Variants in COL4A4 observed in about 807,000 individuals in gnomAD.
COL4A4 encodes the protein collagen alpha-4(IV) chain.
COL4A4 carries 105 observed loss-of-function variants against 192.9 expected under a neutral mutation model. That is an observed-to-expected ratio of 0.54 (90% CI 0.46 to 0.64). The LOEUF is 0.64. Among genes scored for constraint, COL4A4 ranks in the 30% least tolerant of loss-of-function variants. The pLI, the probability that COL4A4 is intolerant of heterozygous loss-of-function variation, is 0.00. For synonymous variants in COL4A4, 762 were observed against 769.9 expected, an observed-to-expected ratio of 0.99 and a Z score of 0.17; for missense variants, 1,967 against 2,169.3, an observed-to-expected ratio of 0.91 and a Z score of 1.85.
At chr2:227,108,646 C>A in intron 11 of COL4A4, 24 bp from the exon 12 acceptor site, 1 of 1,613,436 alleles carries the variant, frequency 6.2e-7, no homozygotes, top group African/African-American at 1.3e-5. Context: ...GAAAAAGAAT[C>A]TAATTGCTTT....
At chr2:227,022,302 G>A in intron 43 of COL4A4, 129 bp from the exon 44 acceptor site, 1 of 1,203,804 alleles carries the variant, frequency 8.3e-7, no homozygotes, top group East Asian at 2.3e-5. Flanking sequence ...ATAAAATTCA[G>A]TATAAATGTT....
intron 13 of COL4A4, among the ~76,000 whole-genome samples, chr2:227,103,676 C>T (rs1470449147): frequency 3.9e-5 from 6 of 152,150 alleles, no homozygotes; most frequent in East Asian, 1.9e-4. Context: ...ACTGGGCTTC[C>T]GGTGGTCTTT....
rs574936977 is a variant in COL4A4, at chr2:227,063,666, TA to T, written c.1988-1069del. Among the ~76,000 whole-genome samples the T allele has an allele frequency of 2.8e-4, 43 of 152,210 alleles. No individual in the cohort carries two copies. In the South Asian group the frequency reaches 5.4e-3, roughly 19 times the overall value. On this transcript the variant is annotated intron_variant, in intron 25 of 47. Transcript: ENST00000396625. ...TTATTGTTTGAAATTCACATAACTG[TA>T]AAATATATTTAAAATACCTTCTTTT...
the COL4A4 span, among the ~76,000 whole-genome samples, chr2:226,975,985 A>G: frequency 6.6e-6 from 1 of 151,924 alleles, no homozygotes; most frequent in Admixed American, 6.6e-5. Flanking sequence ...TCATGGTTCC[A>G]GTTGAAAATA....
chr2:227,150,785 G>A (rs1262254272), intron 1 of COL4A4, among the ~76,000 whole-genome samples: 1 of 152,106 alleles, frequency 6.6e-6, no homozygotes, highest in Non-Finnish European at 1.5e-5. Flanking sequence ...GAACGGCATA[G>A]GGGAAACCAC....
the COL4A4 span, among the ~76,000 whole-genome samples, chr2:226,994,053 A>T: frequency 6.6e-6 from 1 of 152,014 alleles, no homozygotes; most frequent in Non-Finnish European, 1.5e-5. Flanking sequence ...GTCCAAGGCC[A>T]TGTGTGCTGG....
chr2:227,028,259 G>T (rs1411806123), intron 41 of COL4A4, among the ~76,000 whole-genome samples: 1 of 152,164 alleles, frequency 6.6e-6, no homozygotes, highest in East Asian at 1.9e-4. Flanking sequence ...ACAATGAAAA[G>T]AAGTCCTATA....
At position 227,114,634 on chromosome 2, in the gene COL4A4, A is replaced by AC; in HGVS notation, c.551dup (p.Ile185TyrfsTer63). ...TCATGATCATAATACTTACCTGAATACCTTTAACGGCACCTAAAATGAACA... is the reference window on the plus strand; with the variant it reads ...TCATGATCATAATACTTACCTGAATACCCTTTAACGGCACCTAAAATGAACA... On this transcript the variant is annotated frameshift_variant, in exon 8 of 48. Coordinates refer to ENST00000396625, the MANE Select transcript of COL4A4 (RefSeq NM_000092.5). LOFTEE classifies it high-confidence loss of function. 1 of 1,613,916 alleles carries AC rather than the reference A, an allele frequency of 6.2e-7. No homozygotes were observed. The highest frequency in any genetic ancestry group is 8.5e-7 in the Non-Finnish European group (1 of 1,179,812).
chr2:227,079,010 G>T (rs2059184299), intron 24 of COL4A4, among the ~76,000 whole-genome samples: 1 of 152,216 alleles, frequency 6.6e-6, no homozygotes, highest in Non-Finnish European at 1.5e-5. Flanking sequence ...CCCTGGTGGG[G>T]TTCTCAAAAG....
chr2:227,102,094 T>G (rs1359362411), intron 15 of COL4A4, among the ~76,000 whole-genome samples, 185 bp from the exon 16 acceptor site: 1 of 152,264 alleles, frequency 6.6e-6, no homozygotes, highest in Non-Finnish European at 1.5e-5. Context: ...CTACTTGAAG[T>G]GATCCTCAGT....
intron 2 of COL4A4, among the ~76,000 whole-genome samples, chr2:227,146,781 C>T (rs939965642): frequency 2.6e-5 from 4 of 152,100 alleles, no homozygotes; most frequent in African/African-American, 9.7e-5. Flanking sequence ...TGGCCAGTTG[C>T]GTCTCTCTTG....
At chr2:227,098,885 A>G in intron 18 of COL4A4, 87 bp from the exon 19 acceptor site, 1 of 1,092,768 alleles carries the variant, frequency 9.2e-7, no homozygotes, top group Non-Finnish European at 1.4e-6. Flanking sequence ...GAGACTCAGT[A>G]AAGTATAATT....
intron 29 of COL4A4, 34 bp from the exon 30 acceptor site, chr2:227,056,149 G>A (rs755069570): frequency 2.5e-6 from 4 of 1,598,540 alleles, no homozygotes; most frequent in Non-Finnish European, 3.4e-6. Flanking sequence ...AGTGTGTGAA[G>A]GCTGAACACT....
intron 4 of COL4A4, among the ~76,000 whole-genome samples, chr2:227,133,443 T>C (rs1480072757): frequency 6.6e-6 from 1 of 152,280 alleles, no homozygotes; most frequent in East Asian, 1.9e-4. Flanking sequence ...CTCAGTCTAC[T>C]GAAATGATGT....
In COL4A4 at chr2:227,051,064, A is replaced by T. The variant is rs1336268980; in HGVS notation, c.3063T>A (p.Gly1021=). The change falls in exon 33 of 48, where the codon GGT becomes GGA. Residue 1021 remains glycine, a synonymous_variant. Coordinates refer to ENST00000396625, the MANE Select transcript of COL4A4 (RefSeq NM_000092.5). ...GFHRGEPGEK[G]QPGPPGPPGP... is the part of the protein sequence containing the mutation. ...CTGGGGGTCCAGGAGGCCCTGGCTG[A>T]CCTTTCTCACCAGGTTCCCCTCTGT... The T allele has an allele frequency of 1.2e-6, 2 of 1,614,082 alleles. No individual in the cohort carries two copies. Among genetic ancestry groups the T allele is most frequent in the Non-Finnish European group, 1.7e-6 (2 of 1,180,018 alleles).
chr2:226,972,294 T>A, the COL4A4 span, among the ~76,000 whole-genome samples: 1 of 152,176 alleles, frequency 6.6e-6, no homozygotes, highest in African/African-American at 2.4e-5. Context: ...TTCCATGGTG[T>A]ATATGTGCCA....
chr2:227,143,995 G>A (rs1205594787), intron 3 of COL4A4, among the ~76,000 whole-genome samples: 1 of 152,200 alleles, frequency 6.6e-6, no homozygotes, highest in Non-Finnish European at 1.5e-5. Flanking sequence ...AAGGTGGAGA[G>A]TATGAACAGA....
At chr2:227,076,289 G>C (rs184078267) in intron 25 of COL4A4, among the ~76,000 whole-genome samples, 2 of 152,256 alleles carry the variant, frequency 1.3e-5, no homozygotes, top group East Asian at 3.9e-4. Flanking sequence ...TACCAAAGCA[G>C]ATATACAGGC....
At chr2:226,974,019 C>T in the COL4A4 span, among the ~76,000 whole-genome samples, 1 of 152,140 alleles carries the variant, frequency 6.6e-6, no homozygotes, top group Non-Finnish European at 1.5e-5. Flanking sequence ...ACCGCCTTTC[C>T]ACATGCTTGC....
Sources: gnomAD v4.1 joint callset for allele counts (sites outside exome capture counted in the v4.1 genomes callset) on GRCh38, gnomAD v4.1.1 for gene constraint, MANE v1.5 for transcripts, NCBI Gene and HGNC (gene_info 2026-07-23, HGNC 2026-07-21) for gene names.